The following UNC5B variants were observed in gnomAD, a reference collection of about 807,000 sequenced individuals.
UNC5B encodes netrin receptor UNC5B.
Under a neutral mutation model 103.7 loss-of-function variants are expected in UNC5B, and 56 were observed. That is an observed-to-expected ratio of 0.54 (90% CI 0.44 to 0.67). The LOEUF (loss-of-function observed/expected upper bound fraction) is 0.67. UNC5B is among the 30% of genes least tolerant of loss of function. The probability of loss-of-function intolerance (pLI) is 0.00; values close to 1 mark genes in which losing one functional copy is unlikely to be tolerated. For missense variants in UNC5B, 1,194 were observed against 1,284.5 expected, an observed-to-expected ratio of 0.93 and a Z score of 1.08; for synonymous variants, 577 against 542.0, an observed-to-expected ratio of 1.06 and a Z score of -0.90.
At chr10:71,221,508 C>T (rs1158906506) in intron 1 of UNC5B, among the ~76,000 whole-genome samples, 1 of 152,208 alleles carries the variant, frequency 6.6e-6, no homozygotes, top group Admixed American at 6.5e-5. Flanking sequence ...CACCAGCCCA[C>T]CCTAAAACCT....
chr10:71,215,843 G>T (rs1364486443), intron 1 of UNC5B, among the ~76,000 whole-genome samples: 1 of 147,032 alleles, frequency 6.8e-6, no homozygotes, highest in Admixed American at 6.8e-5. Context: ...GTGTGTGTGT[G>T]CTCGCGTGCA....
chr10:71,238,046 A>G (rs771407896), intron 1 of UNC5B, among the ~76,000 whole-genome samples: 7 of 152,186 alleles, frequency 4.6e-5, no homozygotes, highest in South Asian at 2.1e-4. Flanking sequence ...CTTCGCCACA[A>G]ATAGCCCAAC....
chr10:71,287,522 AG>A (rs1180776419), intron 5 of UNC5B, 75 bp from the exon 6 acceptor site: 35 of 1,501,552 alleles, frequency 2.3e-5, no homozygotes, highest in Non-Finnish European at 3.1e-5. Flanking sequence ...GGGCCTCGTC[AG>A]GGTGAGGGAC....
rs1020224484 is a variant in UNC5B at position 71,299,315 on chromosome 10, G to A, written c.*38G>A. ...AGCGGGCTGGCAGGGACTGGCAGGAGGCAGGTGCAGGGAGGCCTGGGGCAG... is the reference window on the plus strand; with the variant it reads ...AGCGGGCTGGCAGGGACTGGCAGGAAGCAGGTGCAGGGAGGCCTGGGGCAG... On this transcript the variant is annotated 3_prime_UTR_variant, in exon 17 of 17. Transcript: ENST00000335350. 2.5e-6 allele frequency: 4 copies of A among 1,609,766 alleles called. No homozygotes were observed. Among genetic ancestry groups the A allele is most frequent in the Non-Finnish European group, 3.4e-6 (4 of 1,178,604 alleles).
intron 1 of UNC5B, among the ~76,000 whole-genome samples, chr10:71,263,729 C>G (rs1844465751): frequency 6.6e-6 from 1 of 152,150 alleles, no homozygotes; most frequent in African/African-American, 2.4e-5. Flanking sequence ...ACTTGGAATC[C>G]CAGAGGACTT....
chr10:71,272,025 G>A (rs957980087), intron 1 of UNC5B, among the ~76,000 whole-genome samples: 2 of 152,176 alleles, frequency 1.3e-5, no homozygotes, highest in African/African-American at 4.8e-5. Flanking sequence ...GCCAGATGGA[G>A]GAAGAGCTTT....
chr10:71,275,564 G>A (rs958628315), intron 1 of UNC5B, among the ~76,000 whole-genome samples: 3 of 152,218 alleles, frequency 2.0e-5, no homozygotes, highest in Non-Finnish European at 2.9e-5. Flanking sequence ...GCAGAGCTCG[G>A]AAGACAGATT....
chr10:71,271,294 A>G lies in UNC5B; in HGVS notation c.80-8527A>G, dbSNP rs575252732. On this transcript the variant is annotated intron_variant, in intron 1 of 16. Transcript: ENST00000335350. ...ACAGCTTCGCAGGGTCATTGTGTTG[A>G]CAATAATGTGCGCTGTCTCGTTGGA... is the stretch of plus-strand genomic sequence containing the variant. Among the ~76,000 whole-genome samples the G allele has an allele frequency of 1.1e-4, 17 of 152,314 alleles. 1 individual carries two copies. The South Asian group carries it at 3.5e-3, about 32-fold the overall frequency.
chr10:71,251,015 G>A (rs892222090), intron 1 of UNC5B, among the ~76,000 whole-genome samples: 5 of 152,224 alleles, frequency 3.3e-5, no homozygotes, highest in African/African-American at 1.2e-4. Context: ...CTGATTCAGA[G>A]ACTCAGATCT....
rs780019248 is a variant in UNC5B, at chr10:71,299,811, G to C, written c.*534G>C. 1 of 152,140 alleles carries C rather than the reference G, an allele frequency of 6.6e-6. No individual in the cohort carries two copies. Among genetic ancestry groups the C allele is most frequent in the African/African-American group, 2.4e-5 (1 of 41,368 alleles). 9.4% of individuals were successfully genotyped at this position (152,140 alleles called of 1,614,324 possible). A position where few individuals can be genotyped will look rare whatever the true frequency, so the allele number is the denominator to read the frequency against. The stretch of plus-strand genomic sequence containing the variant: ...AAAGAAAGAAAGCTTCAGACCGCTA[G>C]TAAGGCTCAAAGAAGAAGAAAAACA... On this transcript the variant is annotated 3_prime_UTR_variant, in exon 17 of 17. Coordinates refer to ENST00000335350, the MANE Select transcript of UNC5B (RefSeq NM_170744.5).
intron 5 of UNC5B, 130 bp from the exon 6 acceptor site, chr10:71,287,468 G>A (rs1185759301): frequency 1.7e-6 from 2 of 1,179,214 alleles, no homozygotes; most frequent in East Asian, 4.9e-5. Context: ...TCCCTACACT[G>A]TAGGCAAAAG....
chr10:71,227,621 C>CACATACAT (rs1564706933), intron 1 of UNC5B, among the ~76,000 whole-genome samples: 1 of 136,940 alleles, frequency 7.3e-6, no homozygotes, highest in African/African-American at 3.1e-5. Context: ...CATATATATA[C>CACATACAT]ATATATACAT....
intron 2 of UNC5B, 22 bp from the exon 3 acceptor site, chr10:71,284,698 C>T (rs368651026): frequency 5.0e-5 from 81 of 1,612,210 alleles, no homozygotes; most frequent in African/African-American, 8.0e-5. Flanking sequence ...TGCCCCCTGA[C>T]GGCTCTCTCT....
chr10:71,219,344 C>A (rs1439237876), intron 1 of UNC5B, among the ~76,000 whole-genome samples: 1 of 152,112 alleles, frequency 6.6e-6, no homozygotes, highest in East Asian at 1.9e-4. Context: ...CCACAATAGG[C>A]CTTCTGCTGG....
chr10:71,299,324 A>G lies in UNC5B; in HGVS notation c.*47A>G. 6.2e-7 allele frequency: 1 copy of G among 1,606,056 alleles called. No individual in the cohort carries two copies. Among genetic ancestry groups the G allele is most frequent in the East Asian group, 2.2e-5 (1 of 44,818 alleles). On this transcript the variant is annotated 3_prime_UTR_variant, in exon 17 of 17. Coordinates refer to ENST00000335350, the MANE Select transcript of UNC5B (RefSeq NM_170744.5). ...GCAGGGACTGGCAGGAGGCAGGTGC[A>G]GGGAGGCCTGGGGCAGCCTCCTGAT...
Position 71,295,954 on chromosome 10 carries a change from A to G in UNC5B, c.2319A>G (p.Lys773=). Residue 773 remains lysine, a synonymous_variant, in exon 14 of 17, where the codon AAA becomes AAG. Coordinates refer to ENST00000335350, the MANE Select transcript of UNC5B (RefSeq NM_170744.5). The part of the protein sequence containing the change: ...HAHWRSKLLA[K]YQEIPFYHIW... Reference sequence around the variant, plus strand: ...ATTGGAGGAGCAAGCTGCTGGCCAAATACCAGGTGAGGGCTGGGCTGATGG... The same window carrying G: ...ATTGGAGGAGCAAGCTGCTGGCCAAGTACCAGGTGAGGGCTGGGCTGATGG... The G allele has an allele frequency of 6.2e-7, 1 of 1,612,882 alleles. No individual in the cohort carries two copies. The highest frequency in any genetic ancestry group is 8.5e-7 in the Non-Finnish European group (1 of 1,179,994).
At chr10:71,267,902 G>A (rs929512832) in intron 1 of UNC5B, among the ~76,000 whole-genome samples, 3 of 152,234 alleles carry the variant, frequency 2.0e-5, no homozygotes, top group Non-Finnish European at 4.4e-5. Context: ...ATGCCAGGAT[G>A]CCCACATTCC....
intron 1 of UNC5B, among the ~76,000 whole-genome samples, chr10:71,268,406 T>C (rs994561630): frequency 6.6e-6 from 1 of 152,244 alleles, no homozygotes; most frequent in Non-Finnish European, 1.5e-5. Flanking sequence ...AGACTGTTTG[T>C]TTGCCCTTGC....
Position 71,212,642 on chromosome 10 carries a change from C to G in UNC5B, c.-344C>G, listed in dbSNP as rs1024538890. ...GCCGCGGGGCTCCGAGAGGCGCGCA[C>G]TGGGGCTGGGACTGCGCGGCGCCGC... On this transcript the variant is annotated 5_prime_UTR_variant, in exon 1 of 17. Transcript: ENST00000335350. The G allele has an allele frequency of 3.1e-5, 6 of 192,724 alleles. No homozygotes were observed. The South Asian group carries it at 5.7e-4, about 18-fold the overall frequency. 11.9% of individuals were successfully genotyped at this position (192,724 alleles called of 1,614,324 possible).
Sources: gnomAD v4.1 joint callset for allele counts (sites outside exome capture counted in the v4.1 genomes callset) on GRCh38, gnomAD v4.1.1 for gene constraint, MANE v1.5 for transcripts, NCBI Gene and HGNC (gene_info 2026-07-23, HGNC 2026-07-21) for gene names.